DAB2IP: variants seen among roughly 807,000 people sequenced by gnomAD.
DAB2IP encodes the protein disabled homolog 2-interacting protein.
A neutral mutation model predicts 107.2 loss-of-function variants in DAB2IP; 28 were observed. That is an observed-to-expected ratio of 0.26 (90% CI 0.19 to 0.36). The LOEUF is 0.36. DAB2IP is among the 10% of genes least tolerant of loss of function. The pLI is 1.00. For synonymous variants in DAB2IP, 755 were observed against 706.4 expected (o/e 1.07, Z -1.09); for missense variants, 1,400 against 1,644.7 (o/e 0.85, Z 2.57).
At chr9:121,676,470 C>T (rs1258205171) in intron 1 of DAB2IP, among the ~76,000 whole-genome samples, 1 of 152,170 alleles carries the variant, frequency 6.6e-6, no homozygotes, top group South Asian at 2.1e-4. Flanking sequence ...CACTCCACAC[C>T]CCTGTGTGTT....
chr9:121,735,015 G>A (rs982312218), intron 3 of DAB2IP, among the ~76,000 whole-genome samples: 4 of 152,190 alleles, frequency 2.6e-5, no homozygotes, highest in Non-Finnish European at 5.9e-5. Flanking sequence ...GCCAAAGGGG[G>A]CTTCTCTGGC....
rs1834827674 is a variant in DAB2IP at position 121,772,401 on chromosome 9, AG to A, written c.2079-205del. ...AATGTGCAGTGCTGGCCCCTAAAGA[AG>A]AGGTTCTGTGCAGGAGCAGCCGCCT... On this transcript the variant is annotated intron_variant, in intron 11 of 15. Transcript: ENST00000408936. This position sits in a 1 kb window ranked among gnomAD's most constrained non-coding sequence, Gnocchi z 4.7. 6.6e-6 allele frequency among the ~76,000 whole-genome samples: 1 copy of A among 152,134 alleles called. No individual in the cohort carries two copies.
chr9:121,747,616 G>T (rs971888776), intron 3 of DAB2IP, among the ~76,000 whole-genome samples: 1 of 152,018 alleles, frequency 6.6e-6, no homozygotes, highest in African/African-American at 2.4e-5. Flanking sequence ...CAAAGTGCTG[G>T]GATTACAGGC....
At chr9:121,746,865 TG>T (rs1018484881) in intron 3 of DAB2IP, among the ~76,000 whole-genome samples, 43 of 152,140 alleles carry the variant, frequency 2.8e-4, no homozygotes, top group African/African-American at 9.9e-4. Flanking sequence ...TGGTCCCGGG[TG>T]GGGTGCAGGG....
intron 1 of DAB2IP, among the ~76,000 whole-genome samples, chr9:121,593,941 T>C (rs1589384389): frequency 6.6e-6 from 1 of 152,038 alleles, no homozygotes; most frequent in African/African-American, 2.4e-5. Flanking sequence ...GTGCTGGGTT[T>C]ACAGACGTGA....
intron 2 of DAB2IP, among the ~76,000 whole-genome samples, chr9:121,693,052 C>T (rs545611837): frequency 6.6e-6 from 1 of 152,320 alleles, no homozygotes; most frequent in African/African-American, 2.4e-5. Flanking sequence ...CCCAGTCTAG[C>T]CCCTAGTGTT....
At chr9:121,713,471 A>C (rs1490225065) in intron 3 of DAB2IP, among the ~76,000 whole-genome samples, 1 of 152,160 alleles carries the variant, frequency 6.6e-6, no homozygotes, top group Non-Finnish European at 1.5e-5. Flanking sequence ...ATGCCTGCTT[A>C]TCACACCATT....
At chr9:121,639,503 A>G (rs1430253450) in intron 1 of DAB2IP, among the ~76,000 whole-genome samples, 5 of 152,184 alleles carry the variant, frequency 3.3e-5, no homozygotes, top group African/African-American at 1.2e-4. Flanking sequence ...AGGGACCAGA[A>G]CAAAGAATGC....
intron 2 of DAB2IP, among the ~76,000 whole-genome samples, chr9:121,691,579 G>A (rs966866494): frequency 6.6e-6 from 1 of 151,734 alleles, no homozygotes; most frequent in African/African-American, 2.4e-5. Flanking sequence ...ATAGCAGTTC[G>A]TATTTATTGT....
chr9:121,643,234 C>A (rs1832424343), intron 1 of DAB2IP, among the ~76,000 whole-genome samples: 1 of 152,020 alleles, frequency 6.6e-6, no homozygotes. Context: ...GCATCCAGTC[C>A]AGCCCCACAC....
chr9:121,569,685 G>A (rs757688232), intron 1 of DAB2IP, among the ~76,000 whole-genome samples: 1 of 152,200 alleles, frequency 6.6e-6, no homozygotes, highest in Non-Finnish European at 1.5e-5. Flanking sequence ...GCCAGGCATG[G>A]TGGTGCATGC....
chr9:121,767,480 A>G (rs1207764834), intron 9 of DAB2IP, among the ~76,000 whole-genome samples: 2 of 152,206 alleles, frequency 1.3e-5, no homozygotes, highest in East Asian at 1.9e-4. Flanking sequence ...ATGATCCCCC[A>G]ACTGCATGTC....
Position 121,699,222 on chromosome 9 carries a change from CCG to C in DAB2IP, c.229-98_229-97del. 1 of 1,010,052 alleles carries C rather than the reference CCG, an allele frequency of 9.9e-7. No homozygotes were observed. The highest frequency in any genetic ancestry group is 1.8e-5 in the African/African-American group (1 of 56,962). The allele number at this position is 1,010,052 out of a possible 1,614,324, so 62.6% of individuals were successfully genotyped here. A position where few individuals can be genotyped will look rare whatever the true frequency, so the allele number is the denominator to read the frequency against. ...GAGCCCGAGCCCGGCCCGCCCTCGG[CCG>C]CGCGGCCGCCCAGCAAGGGTGCGGG... On this transcript the variant is annotated intron_variant, in intron 2 of 15. Coordinates refer to ENST00000408936, the Ensembl canonical transcript of DAB2IP. The surrounding 1 kb of genome is among the most constrained non-coding windows in gnomAD (Gnocchi z 6.2).
chr9:121,743,377 TC>T (rs1183482626), intron 3 of DAB2IP, among the ~76,000 whole-genome samples: 1 of 152,206 alleles, frequency 6.6e-6, no homozygotes, highest in African/African-American at 2.4e-5. Context: ...TCTAAAATCT[TC>T]CTCAGAAGCC....
intron 2 of DAB2IP, among the ~76,000 whole-genome samples, chr9:121,680,517 G>A (rs1415562624): frequency 6.6e-6 from 1 of 152,108 alleles, no homozygotes; most frequent in Admixed American, 6.5e-5. Flanking sequence ...CCTGCAGGGA[G>A]CGCTTGGAGG....
At chr9:121,741,009 G>C (rs776695687) in intron 3 of DAB2IP, among the ~76,000 whole-genome samples, 1 of 152,092 alleles carries the variant, frequency 6.6e-6, no homozygotes, top group Non-Finnish European at 1.5e-5. Context: ...AGGTAGTAAG[G>C]GTGGAGGTTA....
At chr9:121,741,279 C>T (rs1832322628) in intron 3 of DAB2IP, among the ~76,000 whole-genome samples, 1 of 152,028 alleles carries the variant, frequency 6.6e-6, no homozygotes, top group South Asian at 2.1e-4. Flanking sequence ...TGTAGGGTGG[C>T]CCTATGGCTG....
chr9:121,578,983 CA>C (rs988731067), intron 1 of DAB2IP, among the ~76,000 whole-genome samples: 1 of 152,024 alleles, frequency 6.6e-6, no homozygotes, highest in Non-Finnish European at 1.5e-5. Flanking sequence ...AGTGGAATAC[CA>C]ACTGCAGAAT....
intron 1 of DAB2IP, among the ~76,000 whole-genome samples, chr9:121,601,180 G>A (rs1021055706): frequency 6.6e-6 from 1 of 152,150 alleles, no homozygotes; most frequent in African/African-American, 2.4e-5. Context: ...TAGACACCTG[G>A]AGGTAACTAT....
Sources: gnomAD v4.1 joint callset for allele counts (sites outside exome capture counted in the v4.1 genomes callset) on GRCh38, gnomAD v4.1.1 for gene constraint, Gnocchi (gnomAD v3.1) non-coding constraint, MANE v1.5 for transcripts, NCBI Gene and HGNC (gene_info 2026-07-23, HGNC 2026-07-21) for gene names.